Variants in CTNNA3 observed in about 807,000 individuals in gnomAD.
The protein encoded by CTNNA3 is catenin alpha-3.
Under a neutral mutation model 95.7 loss-of-function variants are expected in CTNNA3, and 76 were observed. That is an observed-to-expected ratio of 0.79 (90% confidence interval 0.66 to 0.96). The LOEUF (loss-of-function observed/expected upper bound fraction) is 0.96. Among genes scored for constraint, CTNNA3 ranks in the 40% least tolerant of loss-of-function variants. The pLI, the probability that CTNNA3 is intolerant of heterozygous loss-of-function variation, is 0.00. For missense variants in CTNNA3, 1,191 were observed against 1,089.8 expected (o/e 1.09, Z -1.31); for synonymous variants, 431 against 374.4 (o/e 1.15, Z -1.74).
intron 11 of CTNNA3, among the ~76,000 whole-genome samples, chr10:66,459,949 T>C (rs2131844743): frequency 6.6e-6 from 1 of 150,748 alleles, no homozygotes; most frequent in African/African-American, 2.4e-5. Flanking sequence ...GGTTCTTTAT[T>C]TTAAATGGAA....
intron 10 of CTNNA3, among the ~76,000 whole-genome samples, chr10:66,602,383 A>G (rs942869709): frequency 6.6e-6 from 1 of 151,718 alleles, no homozygotes; most frequent in South Asian, 2.1e-4. Flanking sequence ...AGCTTTTTTT[A>G]AAAAAACTGT....
At chr10:67,248,338 A>G (rs1029997738) in intron 5 of CTNNA3, among the ~76,000 whole-genome samples, 2 of 152,314 alleles carry the variant, frequency 1.3e-5, no homozygotes, top group African/African-American at 2.4e-5. Context: ...CCTGTGTCAA[A>G]GAAAAAAAGA....
intron 7 of CTNNA3, among the ~76,000 whole-genome samples, chr10:66,891,330 T>C (rs1845261540): frequency 6.6e-6 from 1 of 152,206 alleles, no homozygotes. Flanking sequence ...GAAATCAGTC[T>C]AAGTCAATTT....
intron 1 of CTNNA3, among the ~76,000 whole-genome samples, chr10:67,741,175 G>C (rs1841335603): frequency 6.6e-6 from 1 of 150,878 alleles, no homozygotes; most frequent in Non-Finnish European, 1.5e-5. Context: ...GGGGAGAGGG[G>C]GGAGAGATAG....
intron 14 of CTNNA3, among the ~76,000 whole-genome samples, chr10:66,078,205 C>A (rs1029686072): frequency 6.6e-6 from 1 of 151,828 alleles, no homozygotes; most frequent in Non-Finnish European, 1.5e-5. Context: ...CCTCTAGAAC[C>A]TAAAGGAGTA....
chr10:66,559,832 A>G (rs1842498404), intron 10 of CTNNA3, among the ~76,000 whole-genome samples: 1 of 152,072 alleles, frequency 6.6e-6, no homozygotes, highest in African/African-American at 2.4e-5. Flanking sequence ...TTAAGCTCTT[A>G]TAATACTACA....
At position 65,988,785 on chromosome 10, in the gene CTNNA3, T is replaced by C. The variant is rs116662854; in HGVS notation, c.2172A>G (p.Pro724=). ...AGATCACATCAGTTGTATGCTTTAG[T>C]GGTCCTTTGCCCCTGGAAAAAAATT... is the stretch of plus-strand genomic sequence containing the variant. ...EMTDFTRGKG[P]LKHTTDVIYA... The change falls in exon 16 of 18, where the codon CCA becomes CCG. Residue 724 remains proline (P), a synonymous_variant. Transcript: ENST00000433211. 3 of 1,613,162 alleles carry C rather than the reference T, an allele frequency of 1.9e-6. No individual in the cohort carries two copies. The highest frequency in any genetic ancestry group is 1.3e-5 in the African/African-American group (1 of 74,922).
chr10:66,072,916 T>C (rs2080471297), intron 14 of CTNNA3, among the ~76,000 whole-genome samples: 1 of 152,138 alleles, frequency 6.6e-6, no homozygotes, highest in Non-Finnish European at 1.5e-5. Context: ...TGTATATACC[T>C]TGTGGAATAC....
intron 13 of CTNNA3, among the ~76,000 whole-genome samples, chr10:66,178,038 T>G (rs957913661): frequency 7.2e-5 from 11 of 151,850 alleles, no homozygotes; most frequent in African/African-American, 2.7e-4. Flanking sequence ...TTTTTATTTT[T>G]AATGATATGA....
intron 5 of CTNNA3, among the ~76,000 whole-genome samples, chr10:67,428,248 T>C (rs557290551): frequency 3.1e-4 from 47 of 152,190 alleles, no homozygotes; most frequent in African/African-American, 1.0e-3. Flanking sequence ...TTAAATGCTC[T>C]TATCAAATTC....
At chr10:67,643,061 G>C (rs952341133) in intron 2 of CTNNA3, among the ~76,000 whole-genome samples, 1 of 152,146 alleles carries the variant, frequency 6.6e-6, no homozygotes, top group Non-Finnish European at 1.5e-5. Flanking sequence ...GCAAAGACAT[G>C]GAATCAACCT....
intron 11 of CTNNA3, among the ~76,000 whole-genome samples, chr10:66,482,299 GT>G (rs1035116818): frequency 1.3e-5 from 2 of 152,072 alleles, no homozygotes; most frequent in Non-Finnish European, 2.9e-5. Flanking sequence ...TAACTGTTTT[GT>G]TTTCTAAATG....
intron 1 of CTNNA3, among the ~76,000 whole-genome samples, chr10:67,656,251 C>T (rs548019990): frequency 6.6e-6 from 1 of 152,114 alleles, no homozygotes; most frequent in Non-Finnish European, 1.5e-5. Flanking sequence ...TGCCTGATAT[C>T]GTAAGTGATG....
intron 7 of CTNNA3, among the ~76,000 whole-genome samples, chr10:66,970,104 C>T (rs540194003): frequency 4.5e-4 from 69 of 152,160 alleles, no homozygotes; most frequent in Admixed American, 2.1e-3. Flanking sequence ...TGTAAAAAAT[C>T]CCAGGGCCAC....
intron 5 of CTNNA3, among the ~76,000 whole-genome samples, chr10:67,329,651 T>C (rs1841703354): frequency 6.6e-6 from 1 of 152,198 alleles, no homozygotes; most frequent in South Asian, 2.1e-4. Context: ...AATATTAAAA[T>C]GGGAAGAGAT....
At chr10:66,796,326 C>T (rs1177644685) in intron 7 of CTNNA3, among the ~76,000 whole-genome samples, 1 of 152,006 alleles carries the variant, frequency 6.6e-6, no homozygotes, top group African/African-American at 2.4e-5. Context: ...TCTCAGGGAA[C>T]AGCAAGCCTC....
At chr10:67,255,360 T>C (rs941990473) in intron 5 of CTNNA3, among the ~76,000 whole-genome samples, 2 of 152,006 alleles carry the variant, frequency 1.3e-5, no homozygotes, top group African/African-American at 4.8e-5. Context: ...ATTTCTAAAA[T>C]CTATTACAAC....
At chr10:67,503,405 T>C (rs1213862246) in intron 5 of CTNNA3, among the ~76,000 whole-genome samples, 2 of 152,224 alleles carry the variant, frequency 1.3e-5, no homozygotes, top group Non-Finnish European at 2.9e-5. Context: ...CCACAGCTGT[T>C]CCTATTCGGC....
intron 13 of CTNNA3, among the ~76,000 whole-genome samples, chr10:66,199,372 T>C (rs551350883): frequency 6.6e-6 from 1 of 152,234 alleles, no homozygotes; most frequent in African/African-American, 2.4e-5. Flanking sequence ...TAGTTGACTC[T>C]TGTGTTTTTG....
Sources: gnomAD v4.1 joint callset for allele counts (sites outside exome capture counted in the v4.1 genomes callset) on GRCh38, gnomAD v4.1.1 for gene constraint, MANE v1.5 for transcripts, NCBI Gene and HGNC (gene_info 2026-07-23, HGNC 2026-07-21) for gene names.